Variants in FGFR3 observed in about 807,000 individuals in gnomAD.
FGFR3 encodes the protein fibroblast growth factor receptor 3.
FGFR3 carries 25 observed loss-of-function variants against 82.9 expected under a neutral mutation model. That is an observed-to-expected ratio of 0.30 (90% CI 0.22 to 0.42). The LOEUF (loss-of-function observed/expected upper bound fraction) is 0.42, where lower values mean the gene tolerates loss of function less well. Ranked by LOEUF, FGFR3 falls within the 10% of genes least tolerant of loss-of-function variation. The pLI is 1.00. For synonymous variants in FGFR3, 620 were observed against 516.0 expected, an observed-to-expected ratio of 1.20 and a Z score of -2.73; for missense variants, 1,026 against 1,161.0, an observed-to-expected ratio of 0.88 and a Z score of 1.69.
At position 1,807,865 on chromosome 4, in the gene FGFR3, A is replaced by G. The variant is rs562851497; in HGVS notation, c.*603A>G. On this transcript the variant is annotated 3_prime_UTR_variant, in exon 18 of 18. Transcript: ENST00000440486. ...AGGTTTATTCCGGAAACTAGTGTAC[A>G]TTTCTATAAATAGATGCTGTGTATA... The G allele has an allele frequency of 1.2e-5, 5 of 425,262 alleles. No individual in the cohort carries two copies. In the Admixed American group the frequency reaches 1.5e-4, roughly 12 times the overall value. The allele number at this position is 425,262 out of a possible 1,614,324, so 26.3% of individuals were successfully genotyped here.
In FGFR3 at chr4:1,807,739, G is replaced by C. The variant is rs1722147871; in HGVS notation, c.*477G>C. On this transcript the variant is annotated 3_prime_UTR_variant, in exon 18 of 18. Coordinates refer to ENST00000440486, the MANE Select transcript of FGFR3 (RefSeq NM_000142.5). Reference sequence around the variant, plus strand: ...GCACCTTGTGCCTGGGGTGTTAGTGGCACCGCCTCCCCACCTCCAGGCTTT... The same window carrying C: ...GCACCTTGTGCCTGGGGTGTTAGTGCCACCGCCTCCCCACCTCCAGGCTTT... 1.7e-6 allele frequency: 1 copy of C among 590,434 alleles called. No homozygotes were observed. The highest frequency in any genetic ancestry group is 1.8e-5 in the African/African-American group (1 of 55,774). The allele number at this position is 590,434 out of a possible 1,614,324, so 36.6% of individuals were successfully genotyped here.
rs768433935 is a variant in FGFR3 at position 1,806,241 on chromosome 4, TC to T, written c.1960-13del. On this transcript the variant is annotated splice_polypyrimidine_tract_variant and intron_variant, in intron 14 of 17. Transcript: ENST00000440486. ...AGGACGCCTGGCGCCAACACCGCCTTCCCACACCCTCCCAGGGCCGGCTGCC... is the reference window on the plus strand; with the variant it reads ...AGGACGCCTGGCGCCAACACCGCCTTCCACACCCTCCCAGGGCCGGCTGCC... The T allele has an allele frequency of 5.6e-6, 9 of 1,612,906 alleles. No individual in the cohort carries two copies. The Admixed American group carries it at 1.5e-4, about 27-fold the overall frequency.
intron 4 of FGFR3, among the ~76,000 whole-genome samples, 166 bp downstream of exon 4, chr4:1,799,978 A>G (rs907355810): frequency 6.6e-6 from 1 of 152,124 alleles, no homozygotes; most frequent in Admixed American, 6.5e-5. Context: ...GGTCACTGAC[A>G]TGGCTCTAGA....
intron 10 of FGFR3, 54 bp downstream of exon 10, chr4:1,805,023 A>C: frequency 1.3e-6 from 2 of 1,507,166 alleles, no homozygotes; most frequent in Non-Finnish European, 1.8e-6. Context: ...GGTGGGGGTG[A>C]AACAGCCACC....
rs549861260 is a variant in FGFR3 at position 1,805,221 on chromosome 4, T to C, written c.1413-134T>C. The C allele has an allele frequency of 1.1e-5, 17 of 1,504,514 alleles. No individual in the cohort carries two copies. In the South Asian group the frequency reaches 1.6e-4, roughly 14 times the overall value. 93.2% of individuals were successfully genotyped at this position (1,504,514 alleles called of 1,614,324 possible). A position where few individuals can be genotyped will look rare whatever the true frequency, so the allele number is the denominator to read the frequency against. On this transcript the variant is annotated intron_variant, in intron 10 of 17. Transcript: ENST00000440486. ...ACTCTTCGTCCTTACGAGCAGGCTG[T>C]AGGGGGAGCATGGAGGGCTTCCTGG...
chr4:1,803,537 C>A (rs1721469977), intron 7 of FGFR3, among the ~76,000 whole-genome samples, 155 bp from the exon 8 acceptor site: 1 of 152,260 alleles, frequency 6.6e-6, no homozygotes, highest in African/African-American at 2.4e-5. Context: ...AGGCGGAGGG[C>A]CCTCAGCCGC....
intron 8 of FGFR3, 33 bp from the exon 9 acceptor site, chr4:1,804,297 C>A: frequency 6.5e-7 from 1 of 1,548,892 alleles, no homozygotes. Flanking sequence ...GGGGGGGGGG[C>A]CAGGCCAGGC....
chr4:1,805,323 C>G (rs368744437), intron 10 of FGFR3, 32 bp from the exon 11 acceptor site: 8 of 1,608,030 alleles, frequency 5.0e-6, no homozygotes, highest in Non-Finnish European at 5.1e-6. Context: ...GGCGAGTTTG[C>G]ACACTCATGG....
At position 1,806,042 on chromosome 4, in the gene FGFR3, C is replaced by T. The variant is rs1037883731; in HGVS notation, c.1837-9C>T. ...GAGGCTTCAGCCCTGCCTCCCACCCCTTCCCCAGTGCATCCACAGGGACCT... is the reference window on the plus strand; with the variant it reads ...GAGGCTTCAGCCCTGCCTCCCACCCTTTCCCCAGTGCATCCACAGGGACCT... On this transcript the variant is annotated splice_polypyrimidine_tract_variant and intron_variant, in intron 13 of 17. Coordinates refer to ENST00000440486, the MANE Select transcript of FGFR3 (RefSeq NM_000142.5). 1.2e-6 allele frequency: 2 copies of T among 1,613,320 alleles called. No homozygotes were observed. Among genetic ancestry groups the T allele is most frequent in the Non-Finnish European group, 1.7e-6 (2 of 1,179,916 alleles).
intron 7 of FGFR3, among the ~76,000 whole-genome samples, chr4:1,802,289 TG>T (rs1034303478): frequency 9.9e-5 from 15 of 151,898 alleles, no homozygotes; most frequent in Admixed American, 9.8e-4. Flanking sequence ...ACGGGCTTCT[TG>T]GGGGTGGGTG....
chr4:1,804,888 C>T lies in FGFR3; in HGVS notation c.1331C>T (p.Ser444Phe), dbSNP rs761325047. 1.9e-5 allele frequency: 30 copies of T among 1,550,042 alleles called. No individual in the cohort carries two copies. The highest frequency in any genetic ancestry group is 3.9e-5 in the Admixed American group (2 of 50,988). The part of the protein sequence containing the change: ...NTPLVRIARL[S>F]SGEGPTLANV... Reference sequence around the variant, plus strand: ...CCACTGGTGCGCATCGCAAGGCTGTCCTCAGGGGAGGGCCCCACGCTGGCC... The same window carrying T: ...CCACTGGTGCGCATCGCAAGGCTGTTCTCAGGGGAGGGCCCCACGCTGGCC... The change falls in exon 10 of 18, where the codon TCC becomes TTC. Residue 444 changes from serine (S) to phenylalanine (F), a missense_variant. Around this residue, in one of 9 missense-constraint regions of FGFR3, gnomAD observed 256 missense variants for 217.6 expected, o/e 1.18. Transcript: ENST00000440486.
At chr4:1,797,101 C>G (rs936675903) in intron 2 of FGFR3, among the ~76,000 whole-genome samples, 1 of 152,182 alleles carries the variant, frequency 6.6e-6, no homozygotes, top group African/African-American at 2.4e-5. Flanking sequence ...AGTTTTGTCT[C>G]CAACGTGTTT....
Position 1,802,034 on chromosome 4 carries a change from C to G in FGFR3, c.930+9C>G, listed in dbSNP as rs987829946. ...ACGTTACCGTGCTCAAGGTGGGCCACCGTGTGCACGTGGGTGCCGCCGCTG... is the reference window on the plus strand; with the variant it reads ...ACGTTACCGTGCTCAAGGTGGGCCAGCGTGTGCACGTGGGTGCCGCCGCTG... On this transcript the variant is annotated intron_variant, in intron 7 of 17. Coordinates refer to ENST00000440486, the MANE Select transcript of FGFR3 (RefSeq NM_000142.5). 2 of 1,609,548 alleles carry G rather than the reference C, an allele frequency of 1.2e-6. No individual in the cohort carries two copies. The highest frequency in any genetic ancestry group is 2.7e-5 in the African/African-American group (2 of 74,864).
At chr4:1,796,161 C>G (rs986432527) in intron 2 of FGFR3, among the ~76,000 whole-genome samples, 3 of 152,152 alleles carry the variant, frequency 2.0e-5, no homozygotes, top group East Asian at 3.9e-4. Flanking sequence ...GTGGAGCCAC[C>G]TTTGGTGGGG....
At chr4:1,799,575 C>G in intron 3 of FGFR3, 52 bp downstream of exon 3, 1 of 1,549,508 alleles carries the variant, frequency 6.5e-7, no homozygotes, top group Non-Finnish European at 8.7e-7. Context: ...GCCGGGCTCC[C>G]TGAGTCCCTG....
intron 7 of FGFR3, chr4:1,803,274 C>T (rs1721431852): frequency 1.7e-6 from 1 of 594,822 alleles, no homozygotes; most frequent in Admixed American, 3.9e-5. Context: ...TCCCGCACGC[C>T]TGCGACCCCC....
In FGFR3 at chr4:1,801,548, G is replaced by A. The variant is rs747863807; in HGVS notation, c.615+12G>A. On this transcript the variant is annotated intron_variant, in intron 5 of 17. Coordinates refer to ENST00000440486, the MANE Select transcript of FGFR3 (RefSeq NM_000142.5). ...TTGGAGGCATCAAGGTGGGCGCGGC[G>A]GGGTGGCTCTGGGCCTGGCAGGCGC... is the stretch of plus-strand genomic sequence containing the variant. 109 of 1,579,496 alleles carry A rather than the reference G, an allele frequency of 6.9e-5. No homozygotes were observed. Among genetic ancestry groups the A allele is most frequent in the Non-Finnish European group, 8.9e-5 (104 of 1,163,754 alleles).
chr4:1,807,632 T>C lies in FGFR3; in HGVS notation c.*370T>C, dbSNP rs1457525172. On this transcript the variant is annotated 3_prime_UTR_variant, in exon 18 of 18. Coordinates refer to ENST00000440486, the MANE Select transcript of FGFR3 (RefSeq NM_000142.5). ...GCCCGACATGGCTCCGGCCTCTGCCTTTGCACCACGGGACATCACAGGGTG... is the reference window on the plus strand; with the variant it reads ...GCCCGACATGGCTCCGGCCTCTGCCCTTGCACCACGGGACATCACAGGGTG... 1.5e-6 allele frequency: 1 copy of C among 646,654 alleles called. No homozygotes were observed. The highest frequency in any genetic ancestry group is 1.4e-5 in the South Asian group (1 of 72,740). The allele number at this position is 646,654 out of a possible 1,614,324, so 40.1% of individuals were successfully genotyped here. A position where few individuals can be genotyped will look rare whatever the true frequency, so the allele number is the denominator to read the frequency against.
intron 7 of FGFR3, among the ~76,000 whole-genome samples, 196 bp downstream of exon 7, chr4:1,802,221 T>A (rs1254041426): frequency 1.3e-5 from 2 of 152,136 alleles, no homozygotes; most frequent in African/African-American, 2.4e-5. Flanking sequence ...TTGGGACCCG[T>A]TTCCGTGTCT....
Sources: allele counts gnomAD v4.1 joint callset (sites outside exome capture counted in the v4.1 genomes callset), GRCh38; gene constraint gnomAD v4.1.1; regional missense constraint gnomAD v4.1.1; transcripts MANE v1.5; gene names NCBI Gene and HGNC (gene_info 2026-07-23, HGNC 2026-07-21).